DHX35: variants seen among roughly 807,000 people sequenced by gnomAD.
DHX35 encodes the protein probable ATP-dependent RNA helicase DHX35.
In DHX35, 84 loss-of-function variants were observed where a neutral mutation model predicts 99.6. The observed-to-expected ratio is 0.84, with a 90% CI of 0.71 to 1.01. DHX35 has a LOEUF of 1.01. Among genes scored for constraint, DHX35 ranks in the 50% least tolerant of loss-of-function variants. The pLI is 0.00. For missense variants in DHX35, 852 were observed against 888.5 expected (o/e 0.96, Z 0.52); for synonymous variants, 331 against 316.2 (o/e 1.05, Z -0.50).
At chr20:38,982,233 A>T (rs1334504210) in intron 3 of DHX35, among the ~76,000 whole-genome samples, 1 of 152,190 alleles carries the variant, frequency 6.6e-6, no homozygotes, top group Admixed American at 6.5e-5. Context: ...TATCATCTAC[A>T]GTATATTTGT....
intron 13 of DHX35, among the ~76,000 whole-genome samples, chr20:39,010,965 GT>G (rs1197597122): frequency 1.3e-5 from 2 of 152,214 alleles, no homozygotes; most frequent in Non-Finnish European, 2.9e-5. Context: ...AACTCTAGCA[GT>G]GCCTGAATGC....
chr20:38,967,370 C>T (rs2085925742), intron 1 of DHX35, among the ~76,000 whole-genome samples: 1 of 152,168 alleles, frequency 6.6e-6, no homozygotes, highest in African/African-American at 2.4e-5. Context: ...AGTGCCCCAG[C>T]AGGAGGCTGT....
intron 7 of DHX35, among the ~76,000 whole-genome samples, chr20:38,994,311 T>C (rs2086389769): frequency 6.6e-6 from 1 of 152,168 alleles, no homozygotes. Context: ...TGTTATTATA[T>C]ATCTTAGCTG....
intron 20 of DHX35, among the ~76,000 whole-genome samples, chr20:39,031,568 C>T (rs1157889269): frequency 6.6e-6 from 1 of 152,152 alleles, no homozygotes; most frequent in African/African-American, 2.4e-5. Flanking sequence ...AACTCCTGAC[C>T]TCAGGTGATC....
At chr20:38,985,013 G>A (rs976771559) in intron 4 of DHX35, among the ~76,000 whole-genome samples, 29 of 152,012 alleles carry the variant, frequency 1.9e-4, no homozygotes, top group African/African-American at 7.0e-4. Context: ...TTGGCGTTGA[G>A]GATCACTGTG....
chr20:38,970,981 C>T (rs548433874), intron 2 of DHX35, among the ~76,000 whole-genome samples: 5 of 152,160 alleles, frequency 3.3e-5, no homozygotes, highest in Admixed American at 1.3e-4. Flanking sequence ...GAAGATGAAT[C>T]GAGACAAAAA....
intron 6 of DHX35, 56 bp downstream of exon 6, chr20:38,991,571 G>T: frequency 6.7e-7 from 1 of 1,501,138 alleles, no homozygotes; most frequent in South Asian, 1.2e-5. Flanking sequence ...CCAGGTAGAC[G>T]GAGAAGCAGG....
At chr20:38,964,965 G>T (rs2085889443) in intron 1 of DHX35, among the ~76,000 whole-genome samples, 1 of 152,204 alleles carries the variant, frequency 6.6e-6, no homozygotes, top group South Asian at 2.1e-4. Context: ...TCTGGGCTGG[G>T]TGACTGTCTA....
At chr20:38,978,195 C>G (rs1480953626) in intron 3 of DHX35, 13 of 1,045,394 alleles carry the variant, frequency 1.2e-5, no homozygotes, top group Admixed American at 5.1e-5. Context: ...TCAAAGTTGC[C>G]AGTGTTACTT....
At chr20:38,983,470 T>C (rs2086203867) in intron 3 of DHX35, among the ~76,000 whole-genome samples, 1 of 152,214 alleles carries the variant, frequency 6.6e-6, no homozygotes, top group Non-Finnish European at 1.5e-5. Flanking sequence ...AATGCTGGAA[T>C]TGCGCCTTAG....
At chr20:38,970,582 T>G (rs2085980129) in intron 2 of DHX35, among the ~76,000 whole-genome samples, 1 of 152,226 alleles carries the variant, frequency 6.6e-6, no homozygotes, top group Non-Finnish European at 1.5e-5. Flanking sequence ...TCACCATTTG[T>G]GTGCTGTGTG....
chr20:38,969,205 G>A lies in DHX35; in HGVS notation c.165G>A (p.Pro55=), dbSNP rs1335899373. The change falls in exon 2 of 22, where the codon CCG becomes CCA. Residue 55 remains proline (P), a synonymous_variant. Transcript: ENST00000252011. ...LSIEQQRQKL[P]VFKLRNHILY... is the part of the protein sequence containing the mutation. ...TAGAGCAGCAGAGGCAGAAGCTGCC[G>A]GTATTCAAGGTACGTCAAATAATCA... 6 of 1,605,762 alleles carry A rather than the reference G, an allele frequency of 3.7e-6. No homozygotes were observed. Among genetic ancestry groups the A allele is most frequent in the African/African-American group, 2.7e-5 (2 of 74,436 alleles).
intron 18 of DHX35, among the ~76,000 whole-genome samples, chr20:39,028,174 C>G (rs1290863176): frequency 1.3e-5 from 2 of 152,060 alleles, no homozygotes; most frequent in Non-Finnish European, 1.5e-5. Context: ...TGGAGGGGTC[C>G]CAGGTTCAAG....
intron 11 of DHX35, among the ~76,000 whole-genome samples, chr20:39,004,590 T>G (rs1326416913): frequency 2.0e-5 from 3 of 152,232 alleles, no homozygotes; most frequent in Non-Finnish European, 4.4e-5. Flanking sequence ...CTTGCCTATT[T>G]TAAAGGGCCA....
chr20:38,966,225 A>G (rs2085908394), intron 1 of DHX35, among the ~76,000 whole-genome samples: 1 of 152,264 alleles, frequency 6.6e-6, no homozygotes, highest in African/African-American at 2.4e-5. Flanking sequence ...TACTCCCTTA[A>G]GCATAGAGCG....
intron 16 of DHX35, among the ~76,000 whole-genome samples, chr20:39,022,875 A>G (rs2086895861): frequency 6.6e-6 from 1 of 152,128 alleles, no homozygotes; most frequent in Non-Finnish European, 1.5e-5. Flanking sequence ...GGTAGGTCAG[A>G]GATGAGTTCA....
At chr20:38,972,719 T>C in intron 3 of DHX35, 68 bp downstream of exon 3, 2 of 1,003,428 alleles carry the variant, frequency 2.0e-6, no homozygotes, top group Admixed American at 2.0e-5. Context: ...ACTTGAGAGC[T>C]CTCTTTACTA....
intron 14 of DHX35, among the ~76,000 whole-genome samples, chr20:39,016,969 TG>T (rs1414525835): frequency 6.6e-6 from 1 of 151,944 alleles, no homozygotes; most frequent in Non-Finnish European, 1.5e-5. Flanking sequence ...CCCATTTTTG[TG>T]TTTTGGCTTT....
In DHX35 at chr20:38,993,032, A is replaced by G. The variant is rs143962790; in HGVS notation, c.582+607A>G. Among the ~76,000 whole-genome samples the G allele has an allele frequency of 4.5e-4, 68 of 152,264 alleles. 1 individual carries two copies. Among genetic ancestry groups the G allele is most frequent in the African/African-American group, 1.5e-3 (62 of 41,550 alleles). ...ACAACTCACAGCCAATCTTGTTTCA[A>G]TCTTAACCTCCACTCTCTCCTCCCT... is the stretch of plus-strand genomic sequence containing the variant. On this transcript the variant is annotated intron_variant, in intron 7 of 21. Coordinates refer to ENST00000252011, the MANE Select transcript of DHX35 (RefSeq NM_021931.4).
Sources: allele counts gnomAD v4.1 joint callset (sites outside exome capture counted in the v4.1 genomes callset), GRCh38; gene constraint gnomAD v4.1.1; transcripts MANE v1.5; gene names NCBI Gene and HGNC (gene_info 2026-07-23, HGNC 2026-07-21).